GRIA1: variants seen among roughly 807,000 people sequenced by gnomAD.
GRIA1 encodes the protein glutamate ionotropic receptor AMPA type subunit 1, also known as glutamate receptor 1.
Under a neutral mutation model 99.2 loss-of-function variants are expected in GRIA1, and 31 were observed. The observed-to-expected ratio is 0.31, with a 90% confidence interval of 0.23 to 0.42. GRIA1 has a LOEUF of 0.42. Among genes scored for constraint, GRIA1 ranks in the 10% least tolerant of loss-of-function variants. The pLI is 1.00. For missense variants in GRIA1, 782 were observed against 1,157.5 expected, an observed-to-expected ratio of 0.68 and a Z score of 4.71; for synonymous variants, 438 against 432.4, an observed-to-expected ratio of 1.01 and a Z score of -0.16.
At chr5:153,586,942 C>T (rs1428624689) in intron 2 of GRIA1, among the ~76,000 whole-genome samples, 1 of 152,204 alleles carries the variant, frequency 6.6e-6, no homozygotes, top group African/African-American at 2.4e-5. Context: ...CTCCTCACTG[C>T]TGATCTTGTG....
At chr5:153,596,490 A>G (rs1353602871) in intron 2 of GRIA1, among the ~76,000 whole-genome samples, 2 of 152,220 alleles carry the variant, frequency 1.3e-5, no homozygotes, top group Non-Finnish European at 2.9e-5. Flanking sequence ...GGTATTACAT[A>G]GAGCTCCATT....
intron 2 of GRIA1, among the ~76,000 whole-genome samples, chr5:153,620,730 T>C (rs1377932124): frequency 6.6e-6 from 1 of 152,134 alleles, no homozygotes; most frequent in Non-Finnish European, 1.5e-5. Context: ...AACTGAGTCT[T>C]GGGGGATATT....
At chr5:153,496,449 G>A (rs942669895) in intron 2 of GRIA1, among the ~76,000 whole-genome samples, 1 of 152,194 alleles carries the variant, frequency 6.6e-6, no homozygotes, top group African/African-American at 2.4e-5. Flanking sequence ...GTAGCTTACA[G>A]TCTAGTGGGA....
rs1754169954 is a variant in GRIA1 at position 153,493,931 on chromosome 5, G to C, written c.86G>C (p.Gly29Ala). ...GTTGCATTTTCTTTTCTCATAGGGG[G>C]ATTATTTCCAAACCAGCAGTCACAG... ...ANFPNNIQIG[G>A]LFPNQQSQEH... Residue 29 changes from glycine (G) to alanine (A), a missense_variant, in exon 2 of 16, where the codon GGA becomes GCA. Gly to Ala is a moderately conservative substitution (Grantham distance 60). This residue lies in a region of GRIA1 where 461 missense variants were observed against 521.7 expected (regional missense o/e 0.88). Coordinates refer to ENST00000285900, the MANE Select transcript of GRIA1 (RefSeq NM_000827.4). 1 of 1,613,962 alleles carries C rather than the reference G, an allele frequency of 6.2e-7. No individual in the cohort carries two copies. Among genetic ancestry groups the C allele is most frequent in the Non-Finnish European group, 8.5e-7 (1 of 1,179,910 alleles).
chr5:153,641,080 A>C (rs1753748675), intron 2 of GRIA1, among the ~76,000 whole-genome samples: 1 of 152,150 alleles, frequency 6.6e-6, no homozygotes. Context: ...GATGATGAAG[A>C]ATGTGATTCC....
intron 2 of GRIA1, among the ~76,000 whole-genome samples, chr5:153,603,642 G>A (rs1206456538): frequency 6.6e-6 from 1 of 152,234 alleles, no homozygotes; most frequent in Non-Finnish European, 1.5e-5. Flanking sequence ...TGCTCTAGAA[G>A]ATCTAGGACA....
At chr5:153,713,844 T>G (rs1456905961) in intron 11 of GRIA1, among the ~76,000 whole-genome samples, 1 of 152,250 alleles carries the variant, frequency 6.6e-6, no homozygotes, top group Non-Finnish European at 1.5e-5. Flanking sequence ...AATTATTCAT[T>G]TATTTATTCA....
At chr5:153,499,909 T>C (rs533650619) in intron 2 of GRIA1, among the ~76,000 whole-genome samples, 18 of 152,324 alleles carry the variant, frequency 1.2e-4, no homozygotes, top group African/African-American at 4.1e-4. Flanking sequence ...CTGCTGCATA[T>C]GCTTGTTACC....
chr5:153,599,447 TA>T (rs11318389), intron 2 of GRIA1, among the ~76,000 whole-genome samples: 149,223 of 152,202 alleles, frequency 0.98, 73,214 homozygotes, highest in East Asian at 1. Flanking sequence ...CTCCTACAGA[TA>T]ACCAACATCT....
chr5:153,556,597 C>A (rs2149347548), intron 2 of GRIA1, among the ~76,000 whole-genome samples: 1 of 152,176 alleles, frequency 6.6e-6, no homozygotes, highest in African/African-American at 2.4e-5. Flanking sequence ...GAAATGTGAT[C>A]TTGGAGACAA....
At chr5:153,586,621 GTAA>G (rs1185057405) in intron 2 of GRIA1, among the ~76,000 whole-genome samples, 1 of 152,208 alleles carries the variant, frequency 6.6e-6, no homozygotes, top group African/African-American at 2.4e-5. Context: ...AAATATGTAC[GTAA>G]TATACACTCA....
intron 2 of GRIA1, among the ~76,000 whole-genome samples, chr5:153,609,326 C>T (rs1765752713): frequency 6.6e-6 from 1 of 152,082 alleles, no homozygotes; most frequent in South Asian, 2.1e-4. Flanking sequence ...CCCAGCTTTT[C>T]TTGTTGTTCT....
intron 2 of GRIA1, among the ~76,000 whole-genome samples, chr5:153,645,611 TCCCAA>T (rs1754089712): frequency 6.6e-6 from 1 of 152,174 alleles, no homozygotes. Context: ...ATGCACCATT[TCCCAA>T]ATGTATTTGA....
intron 13 of GRIA1, among the ~76,000 whole-genome samples, chr5:153,773,061 G>A (rs1225474216): frequency 6.6e-6 from 1 of 152,030 alleles, no homozygotes; most frequent in Non-Finnish European, 1.5e-5. Context: ...TAAAACTCAG[G>A]CCATTTGGCA....
intron 2 of GRIA1, among the ~76,000 whole-genome samples, chr5:153,503,358 A>G (rs1480961324): frequency 6.6e-6 from 1 of 152,164 alleles, no homozygotes; most frequent in Non-Finnish European, 1.5e-5. Flanking sequence ...TAGTTTCCAG[A>G]TGTATAATAT....
chr5:153,522,036 A>G (rs541784154), intron 2 of GRIA1, among the ~76,000 whole-genome samples: 1 of 152,374 alleles, frequency 6.6e-6, no homozygotes, highest in African/African-American at 2.4e-5. Flanking sequence ...GAGTTTTCTC[A>G]TGCCACCTGG....
intron 2 of GRIA1, among the ~76,000 whole-genome samples, chr5:153,609,328 T>C (rs1765753196): frequency 6.6e-6 from 1 of 152,180 alleles, no homozygotes; most frequent in Non-Finnish European, 1.5e-5. Flanking sequence ...CAGCTTTTCT[T>C]GTTGTTCTCA....
intron 11 of GRIA1, among the ~76,000 whole-genome samples, chr5:153,726,551 A>G (rs1760547248): frequency 1.3e-5 from 2 of 152,134 alleles, no homozygotes; most frequent in African/African-American, 2.4e-5. Context: ...AAAAATAATA[A>G]AGGGGATATC....
At chr5:153,753,894 T>A (rs896423706) in intron 11 of GRIA1, among the ~76,000 whole-genome samples, 6 of 152,172 alleles carry the variant, frequency 3.9e-5, no homozygotes, top group Non-Finnish European at 7.3e-5. Flanking sequence ...TAAAAAGTAA[T>A]GCTTTGTGTT....
Sources: allele counts gnomAD v4.1 joint callset (sites outside exome capture counted in the v4.1 genomes callset), GRCh38; gene constraint gnomAD v4.1.1; regional missense constraint gnomAD v4.1.1; transcripts MANE v1.5; gene names NCBI Gene and HGNC (gene_info 2026-07-23, HGNC 2026-07-21).